Variants in LPAR4 observed in about 807,000 individuals in gnomAD.
LPAR4 encodes lysophosphatidic acid receptor 4, also known as G-protein coupled receptor 23.
In LPAR4, 14 loss-of-function variants were observed where a neutral mutation model predicts 9.2. That is an observed-to-expected ratio of 1.51 (90% CI 1.00 to 2.37). LPAR4 has a LOEUF of 2.37. LPAR4 is among the 30% of genes most tolerant of loss of function. The pLI is 0.00. For missense variants in LPAR4, 251 were observed against 272.1 expected (o/e 0.92, Z 0.55); for synonymous variants, 131 against 97.9 (o/e 1.34, Z -1.99).
chrX:78,752,341 G>C (rs1925100180), intron 4 of LPAR4, among the ~76,000 whole-genome samples: 1 of 111,850 alleles, frequency 8.9e-6, no homozygotes, highest in Non-Finnish European at 1.9e-5. Context: ...TATAAAACCT[G>C]TATGAGTGTG....
At chrX:78,753,493 G>A in intron 4 of LPAR4, among the ~76,000 whole-genome samples, 1 of 111,800 alleles carries the variant, frequency 8.9e-6, no homozygotes, top group East Asian at 2.8e-4. Flanking sequence ...GAAACTCAAG[G>A]GGAGCTTTCT....
Position 78,755,912 on chromosome X carries a change from C to A in LPAR4, c.1043C>A (p.Ala348Asp). The stretch of plus-strand genomic sequence containing the variant: ...TTGACCACAAAGCCTTCCCTTCCAG[C>A]TATTCAAGAGGAAGTGAGTGATCAA... ...TPLTTKPSLP[A>D]IQEEVSDQTT... The change falls in exon 5 of 5, where the codon GCT becomes GAT. Residue 348 changes from alanine to aspartate, a missense_variant. Transcript: ENST00000614823. 1 of 1,206,186 alleles carries A rather than the reference C, an allele frequency of 8.3e-7. No homozygotes were observed. Among genetic ancestry groups the A allele is most frequent in the South Asian group, 1.8e-5 (1 of 56,810 alleles).
At position 78,755,228 on chromosome X, in the gene LPAR4, C is replaced by T. The variant is rs1287407762; in HGVS notation, c.359C>T (p.Thr120Ile). 8.3e-7 allele frequency: 1 copy of T among 1,211,147 alleles called. No homozygotes were observed. The highest frequency in any genetic ancestry group is 1.8e-5 in the South Asian group (1 of 56,959). Residue 120 changes from threonine to isoleucine, a missense_variant, in exon 5 of 5, where the codon ACC (threonine) becomes ATC (isoleucine). Physicochemically the swap from Thr to Ile is moderately conservative, Grantham distance 89. Transcript: ENST00000614823. ...LCKISGTAFL[T>I]NIYGSMLFLT... ...AAGATCTCTGGAACTGCATTCCTTA[C>T]CAACATCTATGGGAGCATGCTCTTT... is the stretch of plus-strand genomic sequence containing the variant.
In LPAR4 at chrX:78,755,618, T is replaced by C; in HGVS notation, c.749T>C (p.Met250Thr). Reference sequence around the variant, plus strand: ...ACCAATAAGAAAAAAGTACTGAAAATGATCACAGTACATATGGCAGTCTTT... The same window carrying C: ...ACCAATAAGAAAAAAGTACTGAAAACGATCACAGTACATATGGCAGTCTTT... Reference protein sequence around the residue: ...IGTNKKKVLKMITVHMAVFVV... With the variant: ...IGTNKKKVLKTITVHMAVFVV... Residue 250 changes from methionine to threonine, a missense_variant, in exon 5 of 5, where the codon ATG becomes ACG. Physicochemically the swap from Met to Thr is moderately conservative, Grantham distance 81. Coordinates refer to ENST00000614823, the MANE Select transcript of LPAR4 (RefSeq NM_001278000.3). The C allele has an allele frequency of 8.3e-7, 1 of 1,210,302 alleles. No individual in the cohort carries two copies. Among genetic ancestry groups the C allele is most frequent in the South Asian group, 1.8e-5 (1 of 56,923 alleles).
chrX:78,753,838 A>C (rs976884352), intron 4 of LPAR4, among the ~76,000 whole-genome samples: 1 of 111,694 alleles, frequency 9.0e-6, no homozygotes, highest in African/African-American at 3.3e-5. Flanking sequence ...CCAGCGCCAC[A>C]CCCTCACTTC....
rs753008368 is a variant in LPAR4 at position 78,757,390 on chromosome X, C to T, written c.*1408C>T. Among the ~76,000 whole-genome samples, 9 of 111,341 alleles carry T rather than the reference C, an allele frequency of 8.1e-5. No homozygotes were observed. In the South Asian group the frequency reaches 1.8e-3, roughly 23 times the overall value. ...AGAACTTGCATTTTCTGAGCATCTG[C>T]GAAACTTACAAAACACTATAACATT... On this transcript the variant is annotated 3_prime_UTR_variant, in exon 5 of 5. Coordinates refer to ENST00000614823, the MANE Select transcript of LPAR4 (RefSeq NM_001278000.3).
intron 4 of LPAR4, among the ~76,000 whole-genome samples, chrX:78,751,824 G>A (rs907850740): frequency 1.8e-5 from 2 of 110,706 alleles, no homozygotes; most frequent in Non-Finnish European, 3.8e-5. Flanking sequence ...ATTAGGTTGA[G>A]CAATTTACCT....
In LPAR4 at chrX:78,757,193, A is replaced by G. The variant is rs928737346; in HGVS notation, c.*1211A>G. 8.3e-6 allele frequency: 1 copy of G among 119,866 alleles called. No individual in the cohort carries two copies. The highest frequency in any genetic ancestry group is 1.9e-5 in the Non-Finnish European group (1 of 53,050). 9.9% of individuals were successfully genotyped at this position (119,866 alleles called of 1,213,427 possible). A position where few individuals can be genotyped will look rare whatever the true frequency, so the allele number is the denominator to read the frequency against. On this transcript the variant is annotated 3_prime_UTR_variant, in exon 5 of 5. Coordinates refer to ENST00000614823, the MANE Select transcript of LPAR4 (RefSeq NM_001278000.3). ...AATAATTTGTAACACTTTCATTACT[A>G]TTTGTTGAGGTTCTGTAAATGTAAA...
rs34094327 is a variant in LPAR4, at chrX:78,756,096, T to C, written c.*114T>C. On this transcript the variant is annotated 3_prime_UTR_variant, in exon 5 of 5. Coordinates refer to ENST00000614823, the MANE Select transcript of LPAR4 (RefSeq NM_001278000.3). ...GAATAATGCACCAAATCCAGTCAGA[T>C]ACATTTGTTTGAAGGTATACTGTAG... 10 of 613,844 alleles carry C rather than the reference T, an allele frequency of 1.6e-5. No homozygotes were observed. In the East Asian group the frequency reaches 3.4e-4, roughly 21 times the overall value. The allele number at this position is 613,844 out of a possible 1,213,427, so 50.6% of individuals were successfully genotyped here.
chrX:78,752,288 C>T (rs776697400), intron 4 of LPAR4, among the ~76,000 whole-genome samples: 1 of 111,805 alleles, frequency 8.9e-6, no homozygotes. Flanking sequence ...GGTTTTGTTT[C>T]AAAAACTATT....
rs977609636 is a variant in LPAR4, at chrX:78,758,021, A to G, written c.*2039A>G. ...AAAATACTGAGACTTTTAAGTAAAA[A>G]TCTGTTAGCATAATGTAACTTTAAA... On this transcript the variant is annotated 3_prime_UTR_variant, in exon 5 of 5. Coordinates refer to ENST00000614823, the MANE Select transcript of LPAR4 (RefSeq NM_001278000.3). Among the ~76,000 whole-genome samples the G allele has an allele frequency of 3.6e-5, 4 of 112,000 alleles. No individual in the cohort carries two copies. The highest frequency in any genetic ancestry group is 1.3e-4 in the African/African-American group (4 of 30,975).
At chrX:78,754,319 T>A (rs1341760607) in intron 4 of LPAR4, among the ~76,000 whole-genome samples, 1 of 111,809 alleles carries the variant, frequency 8.9e-6, no homozygotes, top group African/African-American at 3.2e-5. Flanking sequence ...AGAATCATGC[T>A]GTGTAAAAGG....
intron 4 of LPAR4, among the ~76,000 whole-genome samples, chrX:78,752,490 T>A (rs1411862623): frequency 1.8e-5 from 2 of 111,933 alleles, no homozygotes; most frequent in East Asian, 5.6e-4. Flanking sequence ...TATTTTTAAA[T>A]CTGCTTCACT....
intron 1 of LPAR4, 95 bp from the exon 2 acceptor site, chrX:78,750,079 G>A (rs766605804): frequency 1.6e-4 from 18 of 111,523 alleles, no homozygotes; most frequent in Admixed American, 2.9e-4. Context: ...TTGTATAATC[G>A]TTATCAACTG....
rs940047053 is a variant in LPAR4, at chrX:78,756,356, A to T, written c.*374A>T. 16 of 140,876 alleles carry T rather than the reference A, an allele frequency of 1.1e-4. 1 individual carries two copies. The East Asian group carries it at 3.3e-3, about 29-fold the overall frequency. 11.6% of individuals were successfully genotyped at this position (140,876 alleles called of 1,213,427 possible). A position where few individuals can be genotyped will look rare whatever the true frequency, so the allele number is the denominator to read the frequency against. ...ATATAGAACAAATTCAGGGATTTTT[A>T]AAAAATTGTGTTACTACTGATATAT... On this transcript the variant is annotated 3_prime_UTR_variant, in exon 5 of 5. Coordinates refer to ENST00000614823, the MANE Select transcript of LPAR4 (RefSeq NM_001278000.3).
In LPAR4 at chrX:78,756,254, A is replaced by G. The variant is rs1925287892; in HGVS notation, c.*272A>G. On this transcript the variant is annotated 3_prime_UTR_variant, in exon 5 of 5. Coordinates refer to ENST00000614823, the MANE Select transcript of LPAR4 (RefSeq NM_001278000.3). ...ATCCAGGTGGCTAGTGGCATTTGAT[A>G]ATATAGAGATGACTTTGAAACTTTC... 3.6e-6 allele frequency: 1 copy of G among 276,584 alleles called. No individual in the cohort carries two copies. The highest frequency in any genetic ancestry group is 6.6e-6 in the Non-Finnish European group (1 of 151,145). 22.8% of individuals were successfully genotyped at this position (276,584 alleles called of 1,213,427 possible).
At position 78,750,721 on chromosome X, in the gene LPAR4, C is replaced by T. The variant is rs749528712; in HGVS notation, c.-244-9C>T. 7.3e-5 allele frequency: 8 copies of T among 109,079 alleles called. No individual in the cohort carries two copies. Among genetic ancestry groups the T allele is most frequent in the Non-Finnish European group, 1.3e-4 (7 of 52,315 alleles). 9.0% of individuals were successfully genotyped at this position (109,079 alleles called of 1,213,427 possible). ...AGTCATCTTTCCTCTTCCCTCTTCC[C>T]TTATTAAGGACCCTGCCCAATGGTA... is the stretch of plus-strand genomic sequence containing the variant. On this transcript the variant is annotated splice_polypyrimidine_tract_variant and intron_variant, in intron 2 of 4. Coordinates refer to ENST00000614823, the MANE Select transcript of LPAR4 (RefSeq NM_001278000.3).
rs1925271480 is a variant in LPAR4, at chrX:78,755,839, A to G, written c.970A>G (p.Ile324Val). The change falls in exon 5 of 5, where the codon ATC becomes GTC. Residue 324 changes from isoleucine (I) to valine (V), a missense_variant. Coordinates refer to ENST00000614823, the MANE Select transcript of LPAR4 (RefSeq NM_001278000.3). ...TGAATCCTTTCAGAAGTCCTTCTACATCAATGCCCACATCAGAATGGAGTC... is the reference window on the plus strand; with the variant it reads ...TGAATCCTTTCAGAAGTCCTTCTACGTCAATGCCCACATCAGAATGGAGTC... Reference protein sequence around the residue: ...TLESFQKSFYINAHIRMESLF... With the variant: ...TLESFQKSFYVNAHIRMESLF... The G allele has an allele frequency of 8.3e-7, 1 of 1,208,973 alleles. No homozygotes were observed. Among genetic ancestry groups the G allele is most frequent in the African/African-American group, 1.8e-5 (1 of 57,111 alleles).
chrX:78,752,469 C>G (rs1242443571), intron 4 of LPAR4, among the ~76,000 whole-genome samples: 2 of 111,615 alleles, frequency 1.8e-5, no homozygotes, highest in Non-Finnish European at 3.8e-5. Flanking sequence ...GTATTTTTCA[C>G]AACATTTGTG....
Sources: gnomAD v4.1 joint callset for allele counts (sites outside exome capture counted in the v4.1 genomes callset) on GRCh38, gnomAD v4.1.1 for gene constraint, MANE v1.5 for transcripts, NCBI Gene and HGNC (gene_info 2026-07-23, HGNC 2026-07-21) for gene names.